Variants in AMBP observed in about 807,000 individuals in gnomAD.
AMBP encodes the protein protein AMBP.
A neutral mutation model predicts 46.3 loss-of-function variants in AMBP; 37 were observed. The observed-to-expected ratio is 0.80, with a 90% CI of 0.61 to 1.05. AMBP has a LOEUF of 1.05. Among genes scored for constraint, AMBP ranks in the 50% least tolerant of loss-of-function variants. AMBP has a pLI of 0.00. For synonymous variants in AMBP, 174 were observed against 175.9 expected, an observed-to-expected ratio of 0.99 and a Z score of 0.09; for missense variants, 475 against 461.2, an observed-to-expected ratio of 1.03 and a Z score of -0.27.
At chr9:114,064,609 A>G (rs898378028) in intron 6 of AMBP, among the ~76,000 whole-genome samples, 11 of 152,186 alleles carry the variant, frequency 7.2e-5, no homozygotes, top group Admixed American at 4.6e-4. Context: ...CTGGATTAAA[A>G]GAGCAGATTG....
rs140373058 is a variant in AMBP, at chr9:114,073,774, C to T, written c.454+262G>A. On this transcript the variant is annotated intron_variant, in intron 4 of 9. Transcript: ENST00000265132. ...TTGGCCTCTCAAAGTGTTGGGATTA[C>T]AGGTGTGAGCCACAGCCCCCAGTCC... is the stretch of plus-strand genomic sequence containing the variant. Among the ~76,000 whole-genome samples, 110 of 152,282 alleles carry T rather than the reference C, an allele frequency of 7.2e-4. 2 individuals carry two copies. The East Asian group carries it at 0.011, about 15-fold the overall frequency.
At position 114,078,005 on chromosome 9, in the gene AMBP, C is replaced by G. The variant is rs547224968; in HGVS notation, c.117+88G>C. 7 of 1,336,536 alleles carry G rather than the reference C, an allele frequency of 5.2e-6. No individual in the cohort carries two copies. In the Admixed American group the frequency reaches 1.2e-4, roughly 23 times the overall value. The allele number at this position is 1,336,536 out of a possible 1,614,324, so 82.8% of individuals were successfully genotyped here. On this transcript the variant is annotated intron_variant, in intron 1 of 9. Coordinates refer to ENST00000265132, the MANE Select transcript of AMBP (RefSeq NM_001633.4). The stretch of plus-strand genomic sequence containing the variant: ...TGATCTGAGTGGAAGCCTGAGACCC[C>G]GAGACAGGCCGCACTTGCCCAGCAG...
At chr9:114,064,764 G>A (rs1381016080) in intron 6 of AMBP, among the ~76,000 whole-genome samples, 1 of 152,080 alleles carries the variant, frequency 6.6e-6, no homozygotes, top group Non-Finnish European at 1.5e-5. Context: ...TTTAAAACTG[G>A]CAACCAAGGA....
rs779648498 is a variant in AMBP, at chr9:114,061,062, C to CG, written c.889dup (p.Arg297ProfsTer10). On this transcript the variant is annotated frameshift_variant, in exon 9 of 10. Transcript: ENST00000265132. LOFTEE classifies it high-confidence loss of function. ...AAATGCCCAGAGCTGGATGAAGGCTCGGCAGGGGCCCCGGACTATGGGGAG... is the reference window on the plus strand; with the variant it reads ...AAATGCCCAGAGCTGGATGAAGGCTCGGGCAGGGGCCCCGGACTATGGGGAG... The CG allele has an allele frequency of 6.2e-7, 1 of 1,614,222 alleles. No homozygotes were observed. The highest frequency in any genetic ancestry group is 8.5e-7 in the Non-Finnish European group (1 of 1,180,040).
At chr9:114,073,493 GTTT>G (rs59522385) in intron 4 of AMBP, among the ~76,000 whole-genome samples, 11 of 107,282 alleles carry the variant, frequency 1.0e-4, no homozygotes, top group Admixed American at 1.9e-4. Flanking sequence ...CTCAATCCCT[GTTT>G]TTTTTTTTTT....
chr9:114,061,664 T>A (rs960279009), intron 7 of AMBP, 73 bp from the exon 8 acceptor site: 1 of 1,437,330 alleles, frequency 7.0e-7, no homozygotes, highest in Non-Finnish European at 9.3e-7. Context: ...GCACTTGATA[T>A]GCGCCATCTC....
intron 6 of AMBP, among the ~76,000 whole-genome samples, chr9:114,065,900 A>G (rs1431977431): frequency 6.6e-6 from 1 of 151,900 alleles, no homozygotes; most frequent in Admixed American, 6.5e-5. Context: ...ATAAAAAAAT[A>G]AATAACCTGA....
In AMBP at chr9:114,062,724, T is replaced by G. The variant is rs1004245862; in HGVS notation, c.638A>C (p.Glu213Ala). ...TACCAGTTGCCCACCCCCTGATCCTTCCTCTTCTTGGGGTAGCACAGCCCT... is the reference window on the plus strand; with the variant it reads ...TACCAGTTGCCCACCCCCTGATCCTGCCTCTTCTTGGGGTAGCACAGCCCT... Reference protein sequence around the residue: ...VRRAVLPQEEEGSGGGQLVTE... With the variant: ...VRRAVLPQEEAGSGGGQLVTE... Residue 213 changes from glutamate to alanine, a missense_variant, in exon 7 of 10, where the codon GAA (glutamate) becomes GCA (alanine). Transcript: ENST00000265132. 4.3e-6 allele frequency: 7 copies of G among 1,613,868 alleles called. No homozygotes were observed. Among genetic ancestry groups the G allele is most frequent in the Non-Finnish European group, 5.1e-6 (6 of 1,180,002 alleles).
chr9:114,067,549 C>T (rs1205952074), intron 6 of AMBP, among the ~76,000 whole-genome samples: 1 of 152,178 alleles, frequency 6.6e-6, no homozygotes, highest in Admixed American at 6.5e-5. Flanking sequence ...AGCCACTGCA[C>T]CCAACCCCCA....
chr9:114,078,189 C>T lies in AMBP; in HGVS notation c.21G>A (p.Leu7=), dbSNP rs745312066. 9 of 1,612,734 alleles carry T rather than the reference C, an allele frequency of 5.6e-6. No individual in the cohort carries two copies. Among genetic ancestry groups the T allele is most frequent in the African/African-American group, 1.3e-5 (1 of 74,950 alleles). Reference sequence around the variant, plus strand: ...CCAGGCAGGCGCTCAGCAGCAAGAGCAGGGCCCCGAGGCTCCTCATGGCTA... The same window carrying T: ...CCAGGCAGGCGCTCAGCAGCAAGAGTAGGGCCCCGAGGCTCCTCATGGCTA... The part of the protein sequence containing the change: MRSLGA[L]LLLLSACLAV... The change falls in exon 1 of 10, where the codon CTG becomes CTA. Residue 7 remains leucine, a synonymous_variant. Coordinates refer to ENST00000265132, the MANE Select transcript of AMBP (RefSeq NM_001633.4).
At chr9:114,074,889 A>T in intron 3 of AMBP, 71 bp downstream of exon 3, 2 of 1,349,936 alleles carry the variant, frequency 1.5e-6, no homozygotes, top group Non-Finnish European at 2.1e-6. Flanking sequence ...ACAGAGGCAG[A>T]GGGAGCTGAG....
In AMBP at chr9:114,062,841, C is replaced by G. The variant is rs550860991; in HGVS notation, c.604-83G>C. The G allele has an allele frequency of 2.6e-5, 36 of 1,388,694 alleles. No individual in the cohort carries two copies. In the African/African-American group the frequency reaches 3.0e-4, roughly 11 times the overall value. 86.0% of individuals were successfully genotyped at this position (1,388,694 alleles called of 1,614,324 possible). A position where few individuals can be genotyped will look rare whatever the true frequency, so the allele number is the denominator to read the frequency against. The stretch of plus-strand genomic sequence containing the variant: ...TGTACCCCTGGAATATATAAATGAA[C>G]AACTTGCTTTGGGAATCAGGGTAGG... On this transcript the variant is annotated intron_variant, in intron 6 of 9. Coordinates refer to ENST00000265132, the MANE Select transcript of AMBP (RefSeq NM_001633.4).
At position 114,076,586 on chromosome 9, in the gene AMBP, C is replaced by G; in HGVS notation, c.260+12G>C. On this transcript the variant is annotated intron_variant, in intron 2 of 9. Coordinates refer to ENST00000265132, the MANE Select transcript of AMBP (RefSeq NM_001633.4). Reference sequence around the variant, plus strand: ...GTCTCTCTCAGCTTTCCAGCCCCACCCTAGTGCTCACCGCCAACGAGTGCT... The same window carrying G: ...GTCTCTCTCAGCTTTCCAGCCCCACGCTAGTGCTCACCGCCAACGAGTGCT... 2 of 1,612,656 alleles carry G rather than the reference C, an allele frequency of 1.2e-6. No individual in the cohort carries two copies. The highest frequency in any genetic ancestry group is 1.7e-6 in the Non-Finnish European group (2 of 1,179,732).
intron 7 of AMBP, among the ~76,000 whole-genome samples, chr9:114,062,230 C>A (rs747392551): frequency 6.6e-6 from 1 of 152,160 alleles, no homozygotes; most frequent in South Asian, 2.1e-4. Context: ...GGGCCTGGGG[C>A]GGAGCAGGGT....
At chr9:114,077,406 T>C (rs1846825105) in intron 1 of AMBP, 2 of 152,916 alleles carry the variant, frequency 1.3e-5, no homozygotes, top group South Asian at 4.1e-4. Flanking sequence ...CATACAGACA[T>C]GGAGACAGCC....
At chr9:114,075,082 AT>A (rs1245397476) in intron 2 of AMBP, 46 bp from the exon 3 acceptor site, 4 of 1,540,904 alleles carry the variant, frequency 2.6e-6, no homozygotes, top group Non-Finnish European at 3.6e-6. Flanking sequence ...GGTAGAGATC[AT>A]GGTCCTGACA....
At chr9:114,074,207 G>T in intron 3 of AMBP, 55 bp from the exon 4 acceptor site, 2 of 1,434,744 alleles carry the variant, frequency 1.4e-6, no homozygotes, top group Non-Finnish European at 2.0e-6. Context: ...GACTCTTCTA[G>T]CTGGAGGTCC....
intron 5 of AMBP, chr9:114,069,962 C>T: frequency 1.8e-6 from 1 of 569,612 alleles, no homozygotes. Context: ...CCACTCCACC[C>T]CACCCCACTA....
At chr9:114,063,049 G>A (rs1027607735) in intron 6 of AMBP, among the ~76,000 whole-genome samples, 1 of 88,348 alleles carries the variant, frequency 1.1e-5, no homozygotes, top group Non-Finnish European at 2.7e-5. Context: ...GTAATGAAAA[G>A]GTACCTCCCA....
Sources: allele counts gnomAD v4.1 joint callset (sites outside exome capture counted in the v4.1 genomes callset), GRCh38; gene constraint gnomAD v4.1.1; transcripts MANE v1.5; gene names NCBI Gene and HGNC (gene_info 2026-07-23, HGNC 2026-07-21).